The following VCL variants were observed in gnomAD, a reference collection of about 807,000 sequenced individuals.
VCL encodes the protein vinculin.
VCL carries 47 observed loss-of-function variants against 125.7 expected under a neutral mutation model. The observed-to-expected ratio is 0.37, with a 90% CI of 0.30 to 0.48. The LOEUF is 0.48. VCL is among the 20% of genes least tolerant of loss of function. The pLI is 0.99. For synonymous variants in VCL, 458 were observed against 514.6 expected (o/e 0.89, Z 1.49); for missense variants, 1,069 against 1,455.5 (o/e 0.73, Z 4.32).
intron 1 of VCL, among the ~76,000 whole-genome samples, chr10:74,037,344 A>C: frequency 6.6e-6 from 1 of 152,254 alleles, no homozygotes; most frequent in East Asian, 1.9e-4. Context: ...TAAAAATTAA[A>C]GATTTGTCTT....
rs2136262891 is a variant in VCL at position 74,058,888 on chromosome 10, A to AGG, written c.240-11780_240-11779dup. 1.5e-5 allele frequency among the ~76,000 whole-genome samples: 2 copies of AGG among 129,858 alleles called. 1 individual carries two copies. Among genetic ancestry groups the AGG allele is most frequent in the South Asian group, 4.5e-4 (2 of 4,468 alleles). The allele number at this position is 129,858 out of a possible 152,430, so 85.2% of individuals were successfully genotyped here. On this transcript the variant is annotated intron_variant, in intron 2 of 21. Transcript: ENST00000211998. Reference sequence around the variant, plus strand: ...CAAGTGCATGTTATTTCTCACAGAAAGGGTGTGTGTGTGTGTGTGCGTGTG... The same window carrying AGG: ...CAAGTGCATGTTATTTCTCACAGAAAGGGGGTGTGTGTGTGTGTGTGCGTGTG...
At chr10:74,032,251 AAAAAAAAAAG>A (rs2136241108) in intron 1 of VCL, among the ~76,000 whole-genome samples, 1 of 150,822 alleles carries the variant, frequency 6.6e-6, no homozygotes, top group South Asian at 2.1e-4. Context: ...AAAAAAAAAA[AAAAAAAAAAG>A]AAAAAGGAAA....
intron 8 of VCL, 34 bp downstream of exon 8, chr10:74,083,547 G>A (rs760027206): frequency 1.9e-5 from 30 of 1,611,434 alleles, no homozygotes; most frequent in Admixed American, 3.3e-5. Context: ...GAGCAGTAGT[G>A]GGTAACTCAC....
chr10:74,074,222 C>T (rs1040106729), intron 5 of VCL, among the ~76,000 whole-genome samples: 1 of 152,178 alleles, frequency 6.6e-6, no homozygotes, highest in Non-Finnish European at 1.5e-5. Flanking sequence ...CAGGCGTGAG[C>T]CACCATGCCC....
intron 9 of VCL, among the ~76,000 whole-genome samples, chr10:74,089,618 T>C (rs978963262): frequency 1.3e-5 from 2 of 152,232 alleles, no homozygotes; most frequent in Non-Finnish European, 2.9e-5. Flanking sequence ...AAGGGAAGAT[T>C]GCAGTACATT....
At chr10:74,104,428 G>T (rs888919867) in intron 15 of VCL, among the ~76,000 whole-genome samples, 13 of 152,106 alleles carry the variant, frequency 8.5e-5, no homozygotes, top group African/African-American at 3.1e-4. Flanking sequence ...CTGTGCAATT[G>T]AAGTGGCACC....
chr10:74,018,202 A>ATATATATATATATATATATATC (rs57598387), intron 1 of VCL, among the ~76,000 whole-genome samples: 1 of 137,230 alleles, frequency 7.3e-6, no homozygotes, highest in Admixed American at 7.5e-5. Context: ...ATATATATAT[A>ATATATATATATATATATATATC]AATACATATA....
At position 74,097,549 on chromosome 10, in the gene VCL, C is replaced by G. The variant is rs1202293805; in HGVS notation, c.1872+217C>G. Among the ~76,000 whole-genome samples the G allele has an allele frequency of 6.6e-6, 1 of 152,164 alleles. No homozygotes were observed. The highest frequency in any genetic ancestry group is 1.5e-5 in the Non-Finnish European group (1 of 68,040). On this transcript the variant is annotated intron_variant, in intron 13 of 21. Transcript: ENST00000211998. The surrounding 1 kb of genome is among the most constrained non-coding windows in gnomAD (Gnocchi z 4.1). ...TGCAAGCAATAGAAGACCTGACCAT[C>G]AGAGATGAAAACAACCGGGTTTGTT...
At chr10:74,069,065 C>G (rs112060806) in intron 2 of VCL, among the ~76,000 whole-genome samples, 1 of 145,896 alleles carries the variant, frequency 6.9e-6, no homozygotes, top group Non-Finnish European at 1.5e-5. Flanking sequence ...TTTGTTTGTT[C>G]GTTTGTTTTG....
rs1382688316 is a variant in VCL at position 74,104,943 on chromosome 10, G to C, written c.2132-108G>C. 4 of 1,262,778 alleles carry C rather than the reference G, an allele frequency of 3.2e-6. No individual in the cohort carries two copies. The African/African-American group carries it at 4.5e-5, about 14-fold the overall frequency. The allele number at this position is 1,262,778 out of a possible 1,614,324, so 78.2% of individuals were successfully genotyped here. On this transcript the variant is annotated intron_variant, in intron 15 of 21. Coordinates refer to ENST00000211998, the MANE Select transcript of VCL (RefSeq NM_014000.3). ...TAGGAAGAGTTTGAGCTGAAGAAGAGAATTCTGGATGTTATACTTTCTCAT... is the reference window on the plus strand; with the variant it reads ...TAGGAAGAGTTTGAGCTGAAGAAGACAATTCTGGATGTTATACTTTCTCAT...
chr10:74,035,541 T>C (rs560329911), intron 1 of VCL, among the ~76,000 whole-genome samples: 1 of 152,358 alleles, frequency 6.6e-6, no homozygotes, highest in East Asian at 1.9e-4. Flanking sequence ...AAAGATGTTT[T>C]ATTTCTTATC....
At chr10:74,054,184 A>G (rs1229270735) in intron 2 of VCL, among the ~76,000 whole-genome samples, 2 of 152,152 alleles carry the variant, frequency 1.3e-5, no homozygotes, top group Non-Finnish European at 2.9e-5. Context: ...AATTTTTTAT[A>G]GCCTAATTTG....
In VCL at chr10:74,119,312, A is replaced by G. The variant is rs886047224; in HGVS notation, c.*1143A>G. ...CCCTAAGAGTGTTTAATGGCAAGGC[A>G]GCCCTGTCTGAAGGACACTTCCTGC... is the stretch of plus-strand genomic sequence containing the variant. On this transcript the variant is annotated 3_prime_UTR_variant, in exon 22 of 22. Coordinates refer to ENST00000211998, the MANE Select transcript of VCL (RefSeq NM_014000.3). 1.3e-5 allele frequency: 2 copies of G among 152,424 alleles called. No homozygotes were observed. The highest frequency in any genetic ancestry group is 1.5e-5 in the Non-Finnish European group (1 of 68,036). The allele number at this position is 152,424 out of a possible 1,614,324, so 9.4% of individuals were successfully genotyped here. A position where few individuals can be genotyped will look rare whatever the true frequency, so the allele number is the denominator to read the frequency against.
At chr10:74,023,395 T>G (rs1840709978) in intron 1 of VCL, among the ~76,000 whole-genome samples, 1 of 152,366 alleles carries the variant, frequency 6.6e-6, no homozygotes, top group East Asian at 1.9e-4. Flanking sequence ...AAGTATACTC[T>G]ATGATGTTCA....
chr10:74,098,145 A>G (rs1839999876), intron 13 of VCL, among the ~76,000 whole-genome samples: 1 of 152,036 alleles, frequency 6.6e-6, no homozygotes, highest in African/African-American at 2.4e-5. Flanking sequence ...ACCTCCTTGA[A>G]TTGTATTCCT....
At chr10:74,005,866 A>G (rs1840316358) in intron 1 of VCL, among the ~76,000 whole-genome samples, 2 of 151,580 alleles carry the variant, frequency 1.3e-5, no homozygotes, top group African/African-American at 4.8e-5. Flanking sequence ...TTATTGTTGT[A>G]TTGTTTTTTA....
At chr10:74,090,373 A>G (rs1024924431) in intron 10 of VCL, among the ~76,000 whole-genome samples, 175 bp downstream of exon 10, 1 of 151,944 alleles carries the variant, frequency 6.6e-6, no homozygotes, top group Non-Finnish European at 1.5e-5. Flanking sequence ...TCAGATGTTA[A>G]TTTGCTGTAT....
intron 18 of VCL, 25 bp downstream of exon 18, chr10:74,109,181 G>T: frequency 6.2e-7 from 1 of 1,613,664 alleles, no homozygotes; most frequent in South Asian, 1.1e-5. Flanking sequence ...TTTTCTTGTT[G>T]AGAAAGGATG....
intron 1 of VCL, among the ~76,000 whole-genome samples, chr10:74,005,692 A>G (rs1840311194): frequency 6.6e-6 from 1 of 152,212 alleles, no homozygotes; most frequent in African/African-American, 2.4e-5. Flanking sequence ...CTCGGATACC[A>G]AAATCTGCAG....
Sources: allele counts gnomAD v4.1 joint callset (sites outside exome capture counted in the v4.1 genomes callset), GRCh38; gene constraint gnomAD v4.1.1; non-coding constraint Gnocchi (gnomAD v3.1); transcripts MANE v1.5; gene names NCBI Gene and HGNC (gene_info 2026-07-23, HGNC 2026-07-21).